The following MTHFD1 variants were observed in gnomAD, a reference collection of about 807,000 sequenced individuals.
The protein encoded by MTHFD1 is C-1-tetrahydrofolate synthase, cytoplasmic.
MTHFD1 carries 44 observed loss-of-function variants against 110.3 expected under a neutral mutation model. The observed-to-expected ratio is 0.40, with a 90% CI of 0.31 to 0.51. The LOEUF is 0.51. Ranked by LOEUF, MTHFD1 falls within the 20% of genes least tolerant of loss-of-function variation. MTHFD1 has a pLI of 0.60. For synonymous variants in MTHFD1, 402 were observed against 428.8 expected, an observed-to-expected ratio of 0.94 and a Z score of 0.77; for missense variants, 909 against 1,173.1, an observed-to-expected ratio of 0.77 and a Z score of 3.29.
At chr14:64,438,131 C>T (rs1264199400) in intron 16 of MTHFD1, among the ~76,000 whole-genome samples, 3 of 152,198 alleles carry the variant, frequency 2.0e-5, no homozygotes, top group African/African-American at 7.2e-5. Context: ...CCTTGGCCCC[C>T]CAAAGTGCTG....
intron 13 of MTHFD1, 51 bp downstream of exon 13, chr14:64,430,281 G>T: frequency 1.9e-6 from 3 of 1,549,296 alleles, no homozygotes; most frequent in South Asian, 1.1e-5. Context: ...TTTTGTCGGG[G>T]GGGAGGGTGC....
chr14:64,396,223 A>G (rs1328008841), intron 1 of MTHFD1, among the ~76,000 whole-genome samples: 2 of 152,192 alleles, frequency 1.3e-5, no homozygotes, highest in African/African-American at 4.8e-5. Context: ...TATTAGTGAT[A>G]GGTGAAAATC....
intron 8 of MTHFD1, among the ~76,000 whole-genome samples, chr14:64,420,668 C>G (rs1037981532): frequency 6.6e-6 from 1 of 152,118 alleles, no homozygotes; most frequent in Non-Finnish European, 1.5e-5. Flanking sequence ...CCACTCAGAT[C>G]TATCCCCGTG....
chr14:64,410,516 G>A (rs1464638273), intron 2 of MTHFD1, among the ~76,000 whole-genome samples: 1 of 152,120 alleles, frequency 6.6e-6, no homozygotes, highest in Non-Finnish European at 1.5e-5. Flanking sequence ...CTGAGTTGCT[G>A]CACCCGGCCT....
At chr14:64,439,408 C>T in intron 17 of MTHFD1, 1 of 572,416 alleles carries the variant, frequency 1.7e-6, no homozygotes, top group South Asian at 2.0e-5. Flanking sequence ...GGTGGAGAGC[C>T]CCAAGTGAAT....
chr14:64,458,088 AC>A lies in MTHFD1; in HGVS notation c.2719-125del, dbSNP rs57610847. Reference sequence around the variant, plus strand: ...TATTTCCTGTAGAGATGGGGGTCTCACTATGTTGCCCAGGGTGGTTTAGAAC... The same window carrying A: ...TATTTCCTGTAGAGATGGGGGTCTCATATGTTGCCCAGGGTGGTTTAGAAC... On this transcript the variant is annotated intron_variant, in intron 26 of 27. Coordinates refer to ENST00000652337, the MANE Select transcript of MTHFD1 (RefSeq NM_005956.4). 1.7e-3 allele frequency: 1,347 copies of A among 786,500 alleles called. 31 individuals carry two copies. In the East Asian group the frequency reaches 0.032, roughly 19 times the overall value. 48.7% of individuals were successfully genotyped at this position (786,500 alleles called of 1,614,324 possible).
At chr14:64,438,234 G>A (rs2078221790) in intron 16 of MTHFD1, among the ~76,000 whole-genome samples, 2 of 152,170 alleles carry the variant, frequency 1.3e-5, no homozygotes, top group African/African-American at 4.8e-5. Context: ...GGGACTGAAA[G>A]TTCCAGCCCT....
chr14:64,431,769 C>T lies in MTHFD1; in HGVS notation c.1420-18C>T, dbSNP rs747546806. ...AGTGGGGCTCCTCTCATTTTAAAGC[C>T]CCTTTCTTTTCTTTAAGGCTCTCTT... On this transcript the variant is annotated intron_variant, in intron 14 of 27. Transcript: ENST00000652337. 5 of 1,613,024 alleles carry T rather than the reference C, an allele frequency of 3.1e-6. No homozygotes were observed. The highest frequency in any genetic ancestry group is 1.7e-5 in the Admixed American group (1 of 59,996).
Position 64,454,875 on chromosome 14 carries a change from G to A in MTHFD1, c.2718G>A (p.Thr906=). The A allele has an allele frequency of 2.5e-6, 4 of 1,614,154 alleles. No homozygotes were observed. The highest frequency in any genetic ancestry group is 2.2e-5 in the East Asian group (1 of 44,886). ...GTTTTCTGTACCCCTTAGTAGGAACGGTAAGTGCATGCTGCAAGGGAGTAG... is the reference window on the plus strand; with the variant it reads ...GTTTTCTGTACCCCTTAGTAGGAACAGTAAGTGCATGCTGCAAGGGAGTAG... ...GAGFLYPLVG[T]MSTMPGLPTR... is the part of the protein sequence containing the mutation. Residue 906 remains threonine, a splice_region_variant and synonymous_variant, in exon 26 of 28, where the codon ACG becomes ACA. Coordinates refer to ENST00000652337, the MANE Select transcript of MTHFD1 (RefSeq NM_005956.4).
At chr14:64,435,707 C>A in intron 16 of MTHFD1, 36 bp downstream of exon 16, 2 of 1,181,792 alleles carry the variant, frequency 1.7e-6, no homozygotes, top group Non-Finnish European at 2.5e-6. Context: ...TTTGTTTTGG[C>A]TATATTGCAC....
intron 2 of MTHFD1, among the ~76,000 whole-genome samples, chr14:64,409,384 C>T (rs1198112490): frequency 6.6e-6 from 1 of 152,186 alleles, no homozygotes; most frequent in Non-Finnish European, 1.5e-5. Flanking sequence ...AATTCTAGAA[C>T]AGAGAAGTTG....
At chr14:64,399,399 G>A (rs1054753014) in intron 1 of MTHFD1, among the ~76,000 whole-genome samples, 1 of 152,190 alleles carries the variant, frequency 6.6e-6, no homozygotes, top group Non-Finnish European at 1.5e-5. Context: ...AGTGGCTCAC[G>A]CCTGTAATCC....
At position 64,424,913 on chromosome 14, in the gene MTHFD1, A is replaced by T; in HGVS notation, c.837A>T (p.Thr279=). The T allele has an allele frequency of 6.2e-7, 1 of 1,614,232 alleles. No individual in the cohort carries two copies. Among genetic ancestry groups the T allele is most frequent in the Non-Finnish European group, 8.5e-7 (1 of 1,180,046 alleles). ...TTCCTGGCGGCGTAGGGCCCATGAC[A>T]GTTGCAATGCTCATGCAGGTAATTG... is the stretch of plus-strand genomic sequence containing the variant. The part of the protein sequence containing the change: ...TPVPGGVGPM[T]VAMLMQSTVE... Residue 279 remains threonine, a synonymous_variant, in exon 9 of 28, where the codon ACA becomes ACT. Transcript: ENST00000652337.
At chr14:64,399,338 T>C (rs1448062957) in intron 1 of MTHFD1, among the ~76,000 whole-genome samples, 2 of 152,214 alleles carry the variant, frequency 1.3e-5, no homozygotes, top group Non-Finnish European at 2.9e-5. Context: ...CTGAACCCTG[T>C]GGCTCAGTTA....
chr14:64,453,649 C>A, intron 24 of MTHFD1, 105 bp from the exon 25 acceptor site: 1 of 725,748 alleles, frequency 1.4e-6, no homozygotes, highest in Non-Finnish European at 2.5e-6. Context: ...TAAAAACCAT[C>A]TTCTGCCCCT....
At chr14:64,406,490 G>GTTT (rs56712265) in intron 2 of MTHFD1, among the ~76,000 whole-genome samples, 20 of 123,128 alleles carry the variant, frequency 1.6e-4, no homozygotes, top group African/African-American at 2.2e-4. Flanking sequence ...TTTATTTGTG[G>GTTT]TTTTTTTTTT....
intron 2 of MTHFD1, among the ~76,000 whole-genome samples, chr14:64,404,945 T>G (rs2140948656): frequency 6.6e-6 from 1 of 152,036 alleles, no homozygotes; most frequent in South Asian, 2.1e-4. Flanking sequence ...CACTCCAGCC[T>G]AAGACTCCGT....
At chr14:64,392,972 TAGA>T (rs1212714539) in intron 1 of MTHFD1, among the ~76,000 whole-genome samples, 2 of 152,224 alleles carry the variant, frequency 1.3e-5, no homozygotes, top group Non-Finnish European at 2.9e-5. Flanking sequence ...GCTACAGGGC[TAGA>T]AGAACTGTTT....
intron 27 of MTHFD1, 93 bp from the exon 28 acceptor site, chr14:64,459,666 C>T: frequency 9.3e-7 from 1 of 1,079,158 alleles, no homozygotes; most frequent in East Asian, 2.6e-5. Context: ...ACAGCTTTGG[C>T]AATGTGAGTG....
Sources: allele counts gnomAD v4.1 joint callset (sites outside exome capture counted in the v4.1 genomes callset), GRCh38; gene constraint gnomAD v4.1.1; transcripts MANE v1.5; gene names NCBI Gene and HGNC (gene_info 2026-07-23, HGNC 2026-07-21).